Variants in MRM1 observed in about 807,000 individuals in gnomAD.
The protein encoded by MRM1 is mitochondrial rRNA methyltransferase 1, also known as rRNA methyltransferase 1, mitochondrial.
A neutral mutation model predicts 25.0 loss-of-function variants in MRM1; 24 were observed. That is an observed-to-expected ratio of 0.96 (90% CI 0.69 to 1.35). The LOEUF (loss-of-function observed/expected upper bound fraction) is 1.35, where lower values mean the gene tolerates loss of function less well. Ranked by LOEUF, MRM1 falls within the 40% of genes most tolerant of loss-of-function variation. The pLI is 0.00. For synonymous variants in MRM1, 188 were observed against 199.2 expected, an observed-to-expected ratio of 0.94 and a Z score of 0.47; for missense variants, 431 against 464.1, an observed-to-expected ratio of 0.93 and a Z score of 0.65.
chr17:36,623,489 A>G, the MRM1 span, among the ~76,000 whole-genome samples: 2 of 152,290 alleles, frequency 1.3e-5, no homozygotes, highest in Admixed American at 6.5e-5. Flanking sequence ...TCTCGCCTGG[A>G]TGCTAATAAG....
Position 36,603,033 on chromosome 17 carries a change from A to C in MRM1, c.636+387A>C, listed in dbSNP as rs1404327391. On this transcript the variant is annotated intron_variant, in intron 2 of 4. Transcript: ENST00000614766. ...CTTGAAAGGATGTTTGAACAAGAAG[A>C]TCTTTATGCCATTAGTATCTAGCAA... 4.1e-6 allele frequency: 4 copies of C among 984,770 alleles called. No homozygotes were observed. The African/African-American group carries it at 5.3e-5, about 13-fold the overall frequency. 61.0% of individuals were successfully genotyped at this position (984,770 alleles called of 1,614,324 possible).
chr17:36,603,374 A>G (rs2074899542), intron 2 of MRM1: 2 of 181,498 alleles, frequency 1.1e-5, no homozygotes, highest in South Asian at 1.9e-4. Flanking sequence ...AATAATATCA[A>G]TTTAACATGT....
chr17:36,623,074 C>T, the MRM1 span, among the ~76,000 whole-genome samples: 69 of 152,316 alleles, frequency 4.5e-4, no homozygotes, highest in African/African-American at 1.6e-3. Context: ...AGTTGTGTGC[C>T]CTCAATGAAG....
intron 2 of MRM1, among the ~76,000 whole-genome samples, chr17:36,605,104 C>T (rs1417369488): frequency 6.6e-6 from 1 of 150,902 alleles, no homozygotes; most frequent in African/African-American, 2.4e-5. Flanking sequence ...CACAGCGTTG[C>T]ACTCCAGCCT....
chr17:36,609,221 G>A (rs1270093997), downstream of MRM1, among the ~76,000 whole-genome samples: 7 of 152,152 alleles, frequency 4.6e-5, no homozygotes, highest in African/African-American at 1.7e-4. Flanking sequence ...CCTCCCCTCG[G>A]GTCCCAGGAA....
the MRM1 span, among the ~76,000 whole-genome samples, chr17:36,631,469 A>G: frequency 6.6e-6 from 1 of 152,202 alleles, no homozygotes; most frequent in East Asian, 1.9e-4. Flanking sequence ...GTCCCTGTTT[A>G]GGCATGTGAC....
chr17:36,602,484 G>T lies in MRM1; in HGVS notation c.543-69G>T, dbSNP rs146127360. Reference sequence around the variant, plus strand: ...ACTCTCATCCCCCTAGCCCTTGGGAGCCCTGGGAGGGTAGGGAGCCGGGCT... The same window carrying T: ...ACTCTCATCCCCCTAGCCCTTGGGATCCCTGGGAGGGTAGGGAGCCGGGCT... On this transcript the variant is annotated intron_variant, in intron 1 of 4. Coordinates refer to ENST00000614766, the MANE Select transcript of MRM1 (RefSeq NM_024864.5). The surrounding 1 kb of genome is among the most constrained non-coding windows in gnomAD (Gnocchi z 4.1). The T allele has an allele frequency of 3.8e-3, 6,146 of 1,608,714 alleles. 22 individuals are homozygous for T. The highest frequency in any genetic ancestry group is 4.6e-3 in the Non-Finnish European group (5,374 of 1,175,902).
At chr17:36,607,133 C>T (rs1315668196) in intron 2 of MRM1, among the ~76,000 whole-genome samples, 3 of 151,750 alleles carry the variant, frequency 2.0e-5, no homozygotes, top group Non-Finnish European at 4.4e-5. Flanking sequence ...AGACTGGTCT[C>T]GAACTCCCAA....
the MRM1 span, among the ~76,000 whole-genome samples, chr17:36,630,552 T>G: frequency 6.6e-6 from 1 of 152,106 alleles, no homozygotes; most frequent in African/African-American, 2.4e-5. Flanking sequence ...GCTTGCCTAC[T>G]TCCCTCACAT....
At chr17:36,622,211 C>T in the MRM1 span, among the ~76,000 whole-genome samples, 2 of 152,222 alleles carry the variant, frequency 1.3e-5, no homozygotes, top group Non-Finnish European at 2.9e-5. Context: ...CCCCTCCTGT[C>T]CCTATGGAAA....
chr17:36,626,313 G>T, the MRM1 span, among the ~76,000 whole-genome samples: 1,097 of 152,308 alleles, frequency 7.2e-3, 11 homozygotes, highest in African/African-American at 0.024. Context: ...TGTAGTGCGT[G>T]AGTTTCCCAG....
At chr17:36,631,255 G>T in the MRM1 span, among the ~76,000 whole-genome samples, 4 of 152,350 alleles carry the variant, frequency 2.6e-5, no homozygotes, top group South Asian at 8.3e-4. Flanking sequence ...TGCCCTGCCT[G>T]TTACCACGGG....
At chr17:36,620,432 C>T in the MRM1 span, among the ~76,000 whole-genome samples, 3 of 152,072 alleles carry the variant, frequency 2.0e-5, no homozygotes, top group Non-Finnish European at 4.4e-5. Flanking sequence ...GAGGGGCTTT[C>T]GTGGAGCAGA....
Position 36,608,396 on chromosome 17 carries a change from AGAGGCAAAAT to A in MRM1, c.1048_1057del (p.Gln350AlafsTer40). 1 of 1,578,360 alleles carries A rather than the reference AGAGGCAAAAT, an allele frequency of 6.3e-7. No individual in the cohort carries two copies. Among genetic ancestry groups the A allele is most frequent in the South Asian group, 1.2e-5 (1 of 85,764 alleles). ...GGGCTGTCTTCAGGCCCAGAGAAAG[AGAGGCAAAAT>A]GAGGGCTGACGTGGACTGTCCACAG... On this transcript the variant is annotated frameshift_variant, in exon 5 of 5. Coordinates refer to ENST00000614766, the MANE Select transcript of MRM1 (RefSeq NM_024864.5). LOFTEE classifies it high-confidence loss of function.
downstream of MRM1, among the ~76,000 whole-genome samples, chr17:36,611,850 A>G (rs11263775): frequency 0.41 from 62,216 of 151,972 alleles, 14,091 homozygotes; most frequent in African/African-American, 0.6. Context: ...TGAAACCATC[A>G]GCTCTCCTGG....
At chr17:36,629,144 A>T in the MRM1 span, among the ~76,000 whole-genome samples, 1 of 152,212 alleles carries the variant, frequency 6.6e-6, no homozygotes. Flanking sequence ...TCACCAGTGC[A>T]CACAAAATAG....
chr17:36,619,640 C>G, the MRM1 span, among the ~76,000 whole-genome samples: 2 of 151,894 alleles, frequency 1.3e-5, no homozygotes, highest in African/African-American at 4.8e-5. Flanking sequence ...TGCACTCTAG[C>G]CTGGGCGACA....
intron 2 of MRM1, 125 bp from the exon 3 acceptor site, chr17:36,607,545 C>A (rs763150056): frequency 3.4e-6 from 4 of 1,175,532 alleles, no homozygotes; most frequent in Non-Finnish European, 4.7e-6. Flanking sequence ...ATCACCAGAA[C>A]CCAGGCGGTT....
At chr17:36,625,152 A>G in the MRM1 span, among the ~76,000 whole-genome samples, 1 of 152,078 alleles carries the variant, frequency 6.6e-6, no homozygotes, top group Non-Finnish European at 1.5e-5. Flanking sequence ...TAGGCTCCTC[A>G]CCTCTGCTCT....
Sources: allele counts gnomAD v4.1 joint callset (sites outside exome capture counted in the v4.1 genomes callset), GRCh38; gene constraint gnomAD v4.1.1; non-coding constraint Gnocchi (gnomAD v3.1); transcripts MANE v1.5; gene names NCBI Gene and HGNC (gene_info 2026-07-23, HGNC 2026-07-21).